Variants in YTHDC2 observed in about 807,000 individuals in gnomAD.
The protein encoded by YTHDC2 is YTH N6-methyladenosine RNA binding protein C2.
Under a neutral mutation model 174.9 loss-of-function variants are expected in YTHDC2, and 45 were observed. The ratio of observed to expected loss-of-function variants is 0.26; its 90% CI spans 0.20 to 0.33. The LOEUF (loss-of-function observed/expected upper bound fraction) is 0.33, where lower values mean the gene tolerates loss of function less well. Ranked by LOEUF, YTHDC2 falls within the 10% of genes least tolerant of loss-of-function variation. The probability of loss-of-function intolerance (pLI) is 1.00; values close to 1 mark genes in which losing one functional copy is unlikely to be tolerated. For synonymous variants in YTHDC2, 657 were observed against 574.5 expected (o/e 1.14, Z -2.05); for missense variants, 1,650 against 1,723.7 (o/e 0.96, Z 0.76).
intron 10 of YTHDC2, 91 bp downstream of exon 10, chr5:113,542,594 G>T: frequency 8.4e-7 from 1 of 1,186,558 alleles, no homozygotes. Flanking sequence ...ACCAATAATT[G>T]CACAACCAAA....
intron 26 of YTHDC2, among the ~76,000 whole-genome samples, chr5:113,589,406 A>ATATATATATATATATATATATAT (rs1350140447): frequency 9.0e-6 from 1 of 111,180 alleles, no homozygotes; most frequent in African/African-American, 4.0e-5. Context: ...AAAAAAAAAA[A>ATATATATATATATATATATATAT]AAATATATAT....
At chr5:113,587,675 C>G (rs1034504017) in intron 26 of YTHDC2, among the ~76,000 whole-genome samples, 1 of 149,340 alleles carries the variant, frequency 6.7e-6, no homozygotes, top group African/African-American at 2.5e-5. Context: ...GTCTTGAAAT[C>G]AGTTAATCCT....
chr5:113,542,347 G>C (rs781065818), intron 9 of YTHDC2, 21 bp from the exon 10 acceptor site: 2 of 1,600,956 alleles, frequency 1.2e-6, no homozygotes, highest in Non-Finnish European at 1.7e-6. Flanking sequence ...GATAATTTAT[G>C]ATTTTTACTG....
chr5:113,533,547 CAA>C (rs571400800), intron 5 of YTHDC2, among the ~76,000 whole-genome samples: 5 of 120,434 alleles, frequency 4.2e-5, no homozygotes, highest in African/African-American at 6.1e-5. Context: ...GAAACCGTCT[CAA>C]AAAAAAAAAA....
At chr5:113,582,901 C>G (rs904621330) in intron 25 of YTHDC2, 1 of 152,130 alleles carries the variant, frequency 6.6e-6, no homozygotes, top group African/African-American at 2.4e-5. Flanking sequence ...TCTTTCTGGT[C>G]TAGACCCTGC....
At chr5:113,519,259 C>T (rs1773696883) in intron 2 of YTHDC2, among the ~76,000 whole-genome samples, 1 of 151,938 alleles carries the variant, frequency 6.6e-6, no homozygotes, top group Non-Finnish European at 1.5e-5. Context: ...TTTAATATAT[C>T]CTAAAGTTTT....
chr5:113,526,812 A>C, intron 4 of YTHDC2, 27 bp downstream of exon 4: 2 of 170,542 alleles, frequency 1.2e-5, no homozygotes, highest in South Asian at 2.3e-4. Context: ...TTGTTTATAG[A>C]AAAAAAAAAA....
At chr5:113,526,438 G>A (rs966354355) in intron 3 of YTHDC2, 148 bp from the exon 4 acceptor site, 6 of 541,104 alleles carry the variant, frequency 1.1e-5, no homozygotes, top group African/African-American at 9.8e-5. Context: ...TGTAGACTGA[G>A]TAGAGAAGAA....
chr5:113,587,683 C>T, intron 26 of YTHDC2, among the ~76,000 whole-genome samples: 1 of 149,698 alleles, frequency 6.7e-6, no homozygotes, highest in East Asian at 1.9e-4. Flanking sequence ...ATCAGTTAAT[C>T]CTTCAATCAA....
rs200804870 is a variant in YTHDC2, at chr5:113,541,192, A to ATT, written c.1359+92_1359+93dup. 2.1e-3 allele frequency: 2,630 copies of ATT among 1,275,286 alleles called. 1 individual carries two copies. Among genetic ancestry groups the ATT allele is most frequent in the African/African-American group, 6.1e-3 (387 of 63,652 alleles). The allele number at this position is 1,275,286 out of a possible 1,614,324, so 79.0% of individuals were successfully genotyped here. On this transcript the variant is annotated intron_variant, in intron 9 of 29. Coordinates refer to ENST00000161863, the MANE Select transcript of YTHDC2 (RefSeq NM_022828.5). The stretch of plus-strand genomic sequence containing the variant: ...TTAAAGAACATTTTATGAGCTTATA[A>ATT]TTTTTTTTTTTTTTTTTGAGATGGA...
At chr5:113,541,789 A>G (rs1481533430) in intron 9 of YTHDC2, among the ~76,000 whole-genome samples, 1 of 152,042 alleles carries the variant, frequency 6.6e-6, no homozygotes, top group East Asian at 1.9e-4. Flanking sequence ...TATACTATAT[A>G]TATAATGATA....
intron 23 of YTHDC2, among the ~76,000 whole-genome samples, chr5:113,576,980 A>G (rs1778093478): frequency 6.6e-6 from 1 of 152,076 alleles, no homozygotes; most frequent in South Asian, 2.1e-4. Context: ...TTGATTTTTA[A>G]TATTTTTTAT....
intron 17 of YTHDC2, among the ~76,000 whole-genome samples, chr5:113,557,154 AAGG>A (rs920388188): frequency 2.0e-5 from 3 of 152,198 alleles, no homozygotes; most frequent in African/African-American, 7.2e-5. Context: ...TAACTCTGAG[AAGG>A]AGGATTTGTG....
rs1195685885 is a variant in YTHDC2 at position 113,553,931 on chromosome 5, T to C, written c.2053-11T>C. ...TTTTTTTATTAACTTTAAAGTAATA[T>C]CTTGTTGCAGATTCTTTCCACCAAT... On this transcript the variant is annotated splice_polypyrimidine_tract_variant and intron_variant, in intron 15 of 29. Coordinates refer to ENST00000161863, the MANE Select transcript of YTHDC2 (RefSeq NM_022828.5). The C allele has an allele frequency of 1.3e-6, 2 of 1,582,106 alleles. No homozygotes were observed. The highest frequency in any genetic ancestry group is 1.4e-5 in the African/African-American group (1 of 72,878).
chr5:113,562,652 A>G (rs1363486064), intron 18 of YTHDC2, among the ~76,000 whole-genome samples: 1 of 152,128 alleles, frequency 6.6e-6, no homozygotes, highest in Non-Finnish European at 1.5e-5. Context: ...CTTCTGCCTT[A>G]CAGCTTTCAC....
At chr5:113,528,778 G>C (rs1774461130) in intron 4 of YTHDC2, among the ~76,000 whole-genome samples, 1 of 152,126 alleles carries the variant, frequency 6.6e-6, no homozygotes, top group Non-Finnish European at 1.5e-5. Flanking sequence ...CAAAGTACTG[G>C]GATTACAGGC....
chr5:113,547,380 A>C (rs1293391558), intron 10 of YTHDC2, among the ~76,000 whole-genome samples: 2 of 152,234 alleles, frequency 1.3e-5, no homozygotes, highest in Admixed American at 1.3e-4. Flanking sequence ...AACAACAACA[A>C]CAAACCCACC....
At chr5:113,527,315 G>T (rs759669089) in intron 4 of YTHDC2, among the ~76,000 whole-genome samples, 29 of 152,278 alleles carry the variant, frequency 1.9e-4, no homozygotes, top group Non-Finnish European at 3.2e-4. Context: ...CTGTAGAATG[G>T]AATTAATATG....
Position 113,574,233 on chromosome 5 carries a change from G to T in YTHDC2, c.3245-5353G>T, listed in dbSNP as rs532165269. ...TTCCATAGGGCTGCTGCGGTTTGCT[G>T]GGGCTCCCCACCAGACCTCAGTTGC... On this transcript the variant is annotated intron_variant, in intron 23 of 29. Coordinates refer to ENST00000161863, the MANE Select transcript of YTHDC2 (RefSeq NM_022828.5). 9.2e-5 allele frequency among the ~76,000 whole-genome samples: 14 copies of T among 152,182 alleles called. No homozygotes were observed. The East Asian group carries it at 2.7e-3, about 29-fold the overall frequency.
Sources: allele counts gnomAD v4.1 joint callset (sites outside exome capture counted in the v4.1 genomes callset), GRCh38; gene constraint gnomAD v4.1.1; transcripts MANE v1.5; gene names NCBI Gene and HGNC (gene_info 2026-07-23, HGNC 2026-07-21).